Variants in CAPN3 observed in about 807,000 individuals in gnomAD.
The protein encoded by CAPN3 is calpain 3, also known as calpain-3.
A neutral mutation model predicts 114.0 loss-of-function variants in CAPN3; 88 were observed. That is an observed-to-expected ratio of 0.77 (90% confidence interval 0.65 to 0.92). The LOEUF is 0.92. CAPN3 is among the 40% of genes least tolerant of loss of function. The pLI, the probability that CAPN3 is intolerant of heterozygous loss-of-function variation, is 0.00. For missense variants in CAPN3, 1,028 were observed against 1,069.0 expected (o/e 0.96, Z 0.53); for synonymous variants, 386 against 382.9 (o/e 1.01, Z -0.09).
rs2053884832 is a variant in CAPN3, at chr15:42,401,957, G to A, written c.1524+147G>A. 115 of 1,341,712 alleles carry A rather than the reference G, an allele frequency of 8.6e-5. 1 individual carries two copies. The South Asian group carries it at 1.3e-3, about 16-fold the overall frequency. 83.1% of individuals were successfully genotyped at this position (1,341,712 alleles called of 1,614,324 possible). ...TCAGGACCACTTGTGTTTGTAACAAGCAAAAAATACCAGGGGGGGCATTAG... is the reference window on the plus strand; with the variant it reads ...TCAGGACCACTTGTGTTTGTAACAAACAAAAAATACCAGGGGGGGCATTAG... On this transcript the variant is annotated intron_variant, in intron 11 of 23. Transcript: ENST00000397163.
intron 1 of CAPN3, among the ~76,000 whole-genome samples, chr15:42,383,962 T>G (rs887987240): frequency 2.6e-5 from 4 of 152,138 alleles, no homozygotes; most frequent in African/African-American, 9.7e-5. Flanking sequence ...GGAGGCATGT[T>G]TCTGGCTTCT....
At chr15:42,393,784 G>A (rs985564132) in intron 7 of CAPN3, among the ~76,000 whole-genome samples, 4 of 151,758 alleles carry the variant, frequency 2.6e-5, no homozygotes, top group African/African-American at 9.7e-5. Context: ...AGTAGAGATG[G>A]GGGTTTCTCC....
chr15:42,392,695 C>A lies in CAPN3; in HGVS notation c.1002C>A (p.His334Gln). ...TGGCCTGCGGGCTGGTCAGAGGTCA[C>A]GCCTACTCTGTCACGGGGCTGGATG... ...TRMACGLVRG[H>Q]AYSVTGLDEV... The change falls in exon 7 of 24, where the codon CAC (histidine) becomes CAA (glutamine). Residue 334 changes from histidine (H) to glutamine (Q), a missense_variant. Coordinates refer to ENST00000397163, the MANE Select transcript of CAPN3 (RefSeq NM_000070.3). 6.2e-7 allele frequency: 1 copy of A among 1,613,906 alleles called. No individual in the cohort carries two copies. The highest frequency in any genetic ancestry group is 8.5e-7 in the Non-Finnish European group (1 of 1,179,866).
chr15:42,409,282 T>A (rs374924566), intron 16 of CAPN3, 21 bp from the exon 17 acceptor site: 29 of 1,613,288 alleles, frequency 1.8e-5, no homozygotes, highest in Non-Finnish European at 2.4e-5. Context: ...TGTGAACCAG[T>A]TTTCCTTTGT....
rs143481784 is a variant in CAPN3 at position 42,391,059 on chromosome 15, C to T, written c.945+963C>T. ...CCACCTGCCTCAGCCTCCCAAAGTG[C>T]TGGGATTACAGGTGTAAGCCACCAC... On this transcript the variant is annotated intron_variant, in intron 6 of 23. Coordinates refer to ENST00000397163, the MANE Select transcript of CAPN3 (RefSeq NM_000070.3). 3.6e-3 allele frequency among the ~76,000 whole-genome samples: 543 copies of T among 152,196 alleles called. 2 individuals carry two copies. Among genetic ancestry groups the T allele is most frequent in the African/African-American group, 0.013 (522 of 41,542 alleles).
intron 1 of CAPN3, among the ~76,000 whole-genome samples, chr15:42,364,970 C>A (rs2052741412): frequency 6.6e-6 from 1 of 152,202 alleles, no homozygotes; most frequent in Non-Finnish European, 1.5e-5. Context: ...TGGTCCTCTC[C>A]TCACCCTTGG....
At chr15:42,408,925 C>T (rs2054110590) in intron 16 of CAPN3, 1 of 318,406 alleles carries the variant, frequency 3.1e-6, no homozygotes, top group Non-Finnish European at 6.0e-6. Flanking sequence ...TCTCTGAGGA[C>T]TTGGCCTTGA....
intron 8 of CAPN3, among the ~76,000 whole-genome samples, chr15:42,396,200 A>G (rs1011004662): frequency 6.6e-6 from 1 of 150,564 alleles, no homozygotes; most frequent in East Asian, 2.0e-4. Context: ...AGCTAGCCCT[A>G]TTATTAAACG....
Position 42,392,713 on chromosome 15 carries a change from G to T in CAPN3, c.1020G>T (p.Gly340=), listed in dbSNP as rs372401631. ...GAGGTCACGCCTACTCTGTCACGGG[G>T]CTGGATGAGGTAAGCCTGGTGGGGC... is the stretch of plus-strand genomic sequence containing the variant. ...LVRGHAYSVT[G]LDEVPFKGEK... Residue 340 remains glycine (G), a synonymous_variant, in exon 7 of 24, where the codon GGG becomes GGT. Transcript: ENST00000397163. 251 of 1,613,656 alleles carry T rather than the reference G, an allele frequency of 1.6e-4. No homozygotes were observed. The highest frequency in any genetic ancestry group is 1.9e-4 in the Non-Finnish European group (226 of 1,179,774).
chr15:42,383,465 T>C (rs1247953357), intron 1 of CAPN3, among the ~76,000 whole-genome samples: 5 of 152,028 alleles, frequency 3.3e-5, no homozygotes, highest in African/African-American at 1.2e-4. Flanking sequence ...GGCACACATC[T>C]GTAGTCCCAG....
At chr15:42,390,202 C>A in intron 6 of CAPN3, 106 bp downstream of exon 6, 1 of 1,266,332 alleles carries the variant, frequency 7.9e-7, no homozygotes, top group Non-Finnish European at 1.1e-6. Context: ...CCCACACACC[C>A]CCACCTGGCA....
At chr15:42,372,115 G>T (rs1039282504) in intron 1 of CAPN3, among the ~76,000 whole-genome samples, 2 of 151,948 alleles carry the variant, frequency 1.3e-5, no homozygotes, top group African/African-American at 4.8e-5. Flanking sequence ...CATTTAAATA[G>T]GTGTCTTTTA....
At chr15:42,403,494 G>A (rs951392514) in intron 13 of CAPN3, among the ~76,000 whole-genome samples, 16 of 152,156 alleles carry the variant, frequency 1.1e-4, no homozygotes, top group Admixed American at 2.0e-4. Flanking sequence ...CCAGGTCCAT[G>A]GGTAGGTGGC....
chr15:42,378,241 CCCCCACCCCGGGGG>C (rs1566971456), intron 1 of CAPN3, among the ~76,000 whole-genome samples: 2 of 152,174 alleles, frequency 1.3e-5, no homozygotes, highest in African/African-American at 4.8e-5. Flanking sequence ...AATCTGGTTG[CCCCCACCCCGGGGG>C]GAGCTATCCT....
intron 1 of CAPN3, among the ~76,000 whole-genome samples, chr15:42,377,519 AAATC>A (rs764899810): frequency 2.0e-5 from 3 of 152,228 alleles, no homozygotes; most frequent in Non-Finnish European, 4.4e-5. Flanking sequence ...TACCTCAAAT[AAATC>A]CCACTTGGTC....
At chr15:42,409,444 AT>A in intron 17 of CAPN3, 64 bp downstream of exon 17, 1 of 1,401,268 alleles carries the variant, frequency 7.1e-7, no homozygotes, top group Non-Finnish European at 1.0e-6. Flanking sequence ...AACTGCTCAG[AT>A]TACCAATTAT....
At chr15:42,376,330 A>G (rs1406594152) in intron 1 of CAPN3, among the ~76,000 whole-genome samples, 1 of 152,218 alleles carries the variant, frequency 6.6e-6, no homozygotes. Flanking sequence ...ATCTGCATCA[A>G]TTATTGGGAA....
intron 14 of CAPN3, chr15:42,404,091 G>C: frequency 1.9e-6 from 1 of 518,000 alleles, no homozygotes; most frequent in Middle Eastern, 2.9e-4. Context: ...GCGAACACTG[G>C]ATTCTGAGAC....
intron 9 of CAPN3, among the ~76,000 whole-genome samples, chr15:42,398,630 CACACATATATAT>C (rs1314540029): frequency 1.9e-4 from 24 of 127,856 alleles, no homozygotes; most frequent in Admixed American, 4.0e-4. Context: ...CACACACACA[CACACATATATAT>C]ACACACATAT....
Sources: gnomAD v4.1 joint callset for allele counts (sites outside exome capture counted in the v4.1 genomes callset) on GRCh38, gnomAD v4.1.1 for gene constraint, MANE v1.5 for transcripts, NCBI Gene and HGNC (gene_info 2026-07-23, HGNC 2026-07-21) for gene names.